The following MEF2A variants were observed in gnomAD, a reference collection of about 807,000 sequenced individuals.
The protein encoded by MEF2A is myocyte enhancer factor 2A.
In MEF2A, 28 loss-of-function variants were observed where a neutral mutation model predicts 55.8. The ratio of observed to expected loss-of-function variants is 0.50; its 90% CI spans 0.37 to 0.69. The LOEUF (loss-of-function observed/expected upper bound fraction) is 0.69, where lower values mean the gene tolerates loss of function less well. Among genes scored for constraint, MEF2A ranks in the 30% least tolerant of loss-of-function variants. The probability of loss-of-function intolerance (pLI) is 0.00; values close to 1 mark genes in which losing one functional copy is unlikely to be tolerated. For synonymous variants in MEF2A, 239 were observed against 227.1 expected (o/e 1.05, Z -0.47); for missense variants, 528 against 626.2 (o/e 0.84, Z 1.67).
At chr15:99,635,449 A>T (rs1596646949) in intron 3 of MEF2A, among the ~76,000 whole-genome samples, 1 of 152,220 alleles carries the variant, frequency 6.6e-6, no homozygotes, top group Non-Finnish European at 1.5e-5. Context: ...GAACACTTTT[A>T]AAAAAGTAAA....
At chr15:99,693,982 A>G (rs544606531) in intron 8 of MEF2A, among the ~76,000 whole-genome samples, 2 of 152,324 alleles carry the variant, frequency 1.3e-5, no homozygotes, top group South Asian at 4.1e-4. Context: ...ATTTGTCACA[A>G]CTATTGAACC....
At chr15:99,651,294 TC>T (rs1431615605) in intron 4 of MEF2A, among the ~76,000 whole-genome samples, 2 of 152,162 alleles carry the variant, frequency 1.3e-5, no homozygotes, top group Admixed American at 1.3e-4. Context: ...TCTCCTGAGA[TC>T]ATCTAGTGCT....
chr15:99,639,717 T>A (rs1418872602), intron 3 of MEF2A, among the ~76,000 whole-genome samples: 2 of 152,190 alleles, frequency 1.3e-5, no homozygotes, highest in African/African-American at 2.4e-5. Flanking sequence ...GCCCATATAC[T>A]TTGCCTTTCC....
intron 1 of MEF2A, among the ~76,000 whole-genome samples, chr15:99,592,982 GATAATATTATGAGTGT>G (rs1249733604): frequency 6.6e-6 from 1 of 152,268 alleles, no homozygotes; most frequent in Non-Finnish European, 1.5e-5. Context: ...ATCCTGAAGT[GATAATATTATGAGTGT>G]ATTGGGTGGT....
intron 1 of MEF2A, chr15:99,566,712 C>T (rs1959729480): frequency 6.6e-6 from 1 of 152,326 alleles, no homozygotes; most frequent in Admixed American, 6.5e-5. Context: ...TGAAGAAGTT[C>T]CCCCACTTCT....
chr15:99,625,760 T>G (rs1164208072), intron 2 of MEF2A, among the ~76,000 whole-genome samples: 1 of 152,168 alleles, frequency 6.6e-6, no homozygotes, highest in African/African-American at 2.4e-5. Flanking sequence ...TTTATTCTCT[T>G]ATGTGGTGTG....
At chr15:99,645,955 TCAGA>T (rs959955397) in intron 4 of MEF2A, 191 bp downstream of exon 4, 16 of 442,176 alleles carry the variant, frequency 3.6e-5, no homozygotes, top group African/African-American at 2.6e-4. Context: ...CTCTATTCAT[TCAGA>T]CAAAGTAAAC....
rs976827105 is a variant in MEF2A at position 99,638,350 on chromosome 15, A to C, written c.54+5177A>C. 4.6e-5 allele frequency among the ~76,000 whole-genome samples: 7 copies of C among 152,128 alleles called. No individual in the cohort carries two copies. The East Asian group carries it at 9.7e-4, about 21-fold the overall frequency. On this transcript the variant is annotated intron_variant, in intron 3 of 11. Coordinates refer to ENST00000557942, the MANE Select transcript of MEF2A (RefSeq NM_001319206.4). ...TTTGTTAATATACATTTTTACTGTG[A>C]TGGACCCACAAGGGGCATGTGTCTT...
At chr15:99,700,003 T>C (rs1389874082) in intron 8 of MEF2A, among the ~76,000 whole-genome samples, 1 of 143,886 alleles carries the variant, frequency 6.9e-6, no homozygotes, top group Admixed American at 7.1e-5. Context: ...TATATATAAT[T>C]TTTGTATTTT....
chr15:99,583,251 A>G (rs566941872), intron 1 of MEF2A, among the ~76,000 whole-genome samples: 1 of 152,260 alleles, frequency 6.6e-6, no homozygotes, highest in East Asian at 1.9e-4. Flanking sequence ...TCTGAGCTTT[A>G]GAGTTTGCAT....
At chr15:99,592,459 A>G (rs1296790353) in intron 1 of MEF2A, among the ~76,000 whole-genome samples, 4 of 152,136 alleles carry the variant, frequency 2.6e-5, no homozygotes, top group African/African-American at 9.7e-5. Context: ...CTGAATTTAA[A>G]TGTGCTGTAT....
intron 1 of MEF2A, among the ~76,000 whole-genome samples, chr15:99,588,672 G>A (rs1968227815): frequency 6.6e-6 from 1 of 151,442 alleles, no homozygotes; most frequent in African/African-American, 2.4e-5. Context: ...TCAAACCCTG[G>A]CCTCAGGCAG....
intron 4 of MEF2A, among the ~76,000 whole-genome samples, chr15:99,655,338 A>G (rs1467591817): frequency 1.3e-5 from 2 of 152,132 alleles, no homozygotes; most frequent in Admixed American, 6.6e-5. Context: ...AAGCCTCAGT[A>G]TTTACCTTAC....
intron 11 of MEF2A, among the ~76,000 whole-genome samples, chr15:99,711,186 C>T (rs929282926): frequency 3.9e-5 from 6 of 152,222 alleles, no homozygotes; most frequent in African/African-American, 1.2e-4. Context: ...CTCCCTGCCA[C>T]CCTTGCCATT....
At chr15:99,578,864 C>T (rs1038349183) in intron 1 of MEF2A, among the ~76,000 whole-genome samples, 6 of 152,248 alleles carry the variant, frequency 3.9e-5, no homozygotes, top group Non-Finnish European at 8.8e-5. Context: ...TGGTTTTAGA[C>T]ATGTTAAATC....
chr15:99,713,750 G>A lies in MEF2A; in HGVS notation c.*979G>A, dbSNP rs2058886757. On this transcript the variant is annotated 3_prime_UTR_variant, in exon 12 of 12. Coordinates refer to ENST00000557942, the MANE Select transcript of MEF2A (RefSeq NM_001319206.4). Reference sequence around the variant, plus strand: ...GTTTAACTCTTTAGTTTTATTTTAAGAGGGGAAAACAAAAATATCTTGCAA... The same window carrying A: ...GTTTAACTCTTTAGTTTTATTTTAAAAGGGGAAAACAAAAATATCTTGCAA... 6.6e-6 allele frequency: 1 copy of A among 151,600 alleles called. No individual in the cohort carries two copies. The highest frequency in any genetic ancestry group is 2.1e-4 in the South Asian group (1 of 4,818). The allele number at this position is 151,600 out of a possible 1,614,324, so 9.4% of individuals were successfully genotyped here.
chr15:99,630,897 G>C (rs776101127), intron 2 of MEF2A, among the ~76,000 whole-genome samples: 1 of 152,060 alleles, frequency 6.6e-6, no homozygotes, highest in African/African-American at 2.4e-5. Flanking sequence ...TTGTATGTCC[G>C]CCCACAGGTC....
chr15:99,642,375 T>G (rs1458022864), intron 3 of MEF2A, among the ~76,000 whole-genome samples: 1 of 152,186 alleles, frequency 6.6e-6, no homozygotes, highest in East Asian at 1.9e-4. Context: ...CTGTATTTTA[T>G]TTTTTAATAA....
chr15:99,709,381 G>A (rs571069458), intron 10 of MEF2A, among the ~76,000 whole-genome samples: 4 of 152,342 alleles, frequency 2.6e-5, no homozygotes, highest in African/African-American at 7.2e-5. Context: ...TGTGGCGTTT[G>A]GAGTGGCGTC....
Sources: allele counts gnomAD v4.1 joint callset (sites outside exome capture counted in the v4.1 genomes callset), GRCh38; gene constraint gnomAD v4.1.1; transcripts MANE v1.5; gene names NCBI Gene and HGNC (gene_info 2026-07-23, HGNC 2026-07-21).